SAMD12: variants seen among roughly 807,000 people sequenced by gnomAD.
SAMD12 encodes the protein sterile alpha motif domain-containing protein 12.
A neutral mutation model predicts 15.0 loss-of-function variants in SAMD12; 9 were observed. The observed-to-expected ratio is 0.60, with a 90% confidence interval of 0.36 to 1.05. The LOEUF is 1.05. SAMD12 is among the 50% of genes least tolerant of loss of function. The pLI is 0.01. For synonymous variants in SAMD12, 86 were observed against 90.1 expected (o/e 0.96, Z 0.25); for missense variants, 230 against 234.2 (o/e 0.98, Z 0.12).
chr8:118,164,814 T>TATATATATATACACACATATATACATAC, the SAMD12 span, among the ~76,000 whole-genome samples: 5 of 151,122 alleles, frequency 3.3e-5, no homozygotes, highest in East Asian at 1.9e-4. Flanking sequence ...TCTCTCTGTA[T>TATATATATATACACACATATATACATAC]ATATATATAT....
chr8:118,367,364 A>G (rs1264215017), intron 4 of SAMD12, among the ~76,000 whole-genome samples: 1 of 152,216 alleles, frequency 6.6e-6, no homozygotes, highest in Non-Finnish European at 1.5e-5. Context: ...TAAAAATCCC[A>G]TAGGACATTT....
chr8:118,554,143 G>A (rs1407455934), intron 2 of SAMD12, among the ~76,000 whole-genome samples: 1 of 152,078 alleles, frequency 6.6e-6, no homozygotes, highest in East Asian at 1.9e-4. Context: ...CAGGGATCTA[G>A]AACTAGAAAT....
intron 1 of SAMD12, among the ~76,000 whole-genome samples, chr8:118,614,072 T>C (rs994203908): frequency 1.6e-4 from 25 of 152,184 alleles, no homozygotes; most frequent in African/African-American, 5.5e-4. Flanking sequence ...ATAACCTACA[T>C]TCCCTCATTG....
At chr8:118,610,278 C>A (rs1236588071) in intron 1 of SAMD12, among the ~76,000 whole-genome samples, 1 of 152,130 alleles carries the variant, frequency 6.6e-6, no homozygotes, top group African/African-American at 2.4e-5. Context: ...CATTGCAGAG[C>A]CCAATTAAGT....
chr8:118,387,926 C>T (rs1426084945), intron 3 of SAMD12, among the ~76,000 whole-genome samples: 1 of 152,262 alleles, frequency 6.6e-6, no homozygotes, highest in East Asian at 1.9e-4. Context: ...AAGTAGCCAT[C>T]AAACAGATTC....
intron 1 of SAMD12, among the ~76,000 whole-genome samples, chr8:118,616,489 G>A (rs976185317): frequency 4.6e-5 from 7 of 152,196 alleles, no homozygotes; most frequent in African/African-American, 1.7e-4. Flanking sequence ...TCACACAGAG[G>A]CAGGACAGAG....
the SAMD12 span, among the ~76,000 whole-genome samples, chr8:118,184,335 G>A: frequency 2.0e-5 from 3 of 152,108 alleles, no homozygotes; most frequent in South Asian, 2.1e-4. Flanking sequence ...ACGGGAATTA[G>A]GTCTTTGAAA....
intron 4 of SAMD12, among the ~76,000 whole-genome samples, chr8:118,285,684 G>A (rs1471773043): frequency 6.6e-6 from 1 of 152,172 alleles, no homozygotes; most frequent in Non-Finnish European, 1.5e-5. Context: ...CTAACTGTGT[G>A]ACTTGGTTTT....
intron 4 of SAMD12, among the ~76,000 whole-genome samples, chr8:118,346,709 T>C (rs1817679351): frequency 6.6e-6 from 1 of 152,164 alleles, no homozygotes; most frequent in Admixed American, 6.5e-5. Context: ...AGATTTACTA[T>C]AGCAAAAGGA....
chr8:118,196,139 A>G (rs1240930538), exon 5 of SAMD12: 2 of 152,050 alleles, frequency 1.3e-5, no homozygotes, highest in African/African-American at 4.8e-5. Flanking sequence ...AGGTTTCCAA[A>G]TCTCAGGCGT....
chr8:118,326,033 AG>A, intron 4 of SAMD12, among the ~76,000 whole-genome samples: 1 of 152,352 alleles, frequency 6.6e-6, no homozygotes, highest in African/African-American at 2.4e-5. Context: ...CCATGGATTC[AG>A]CTGCTGAAGA....
intron 4 of SAMD12, among the ~76,000 whole-genome samples, chr8:118,311,012 C>G (rs1815602901): frequency 6.6e-6 from 1 of 152,206 alleles, no homozygotes; most frequent in Non-Finnish European, 1.5e-5. Flanking sequence ...CCACAATACA[C>G]TAAATGTTCT....
intron 2 of SAMD12, among the ~76,000 whole-genome samples, chr8:118,571,024 T>G (rs1159768616): frequency 6.6e-6 from 1 of 152,206 alleles, no homozygotes; most frequent in Non-Finnish European, 1.5e-5. Context: ...TAAGTCCCAT[T>G]AAGCCTCTTT....
intron 4 of SAMD12, among the ~76,000 whole-genome samples, chr8:118,345,445 C>T (rs1161290891): frequency 6.6e-6 from 1 of 152,054 alleles, no homozygotes; most frequent in Non-Finnish European, 1.5e-5. Context: ...GACAGAGATA[C>T]TGATGAGAAT....
chr8:118,444,480 G>C, intron 2 of SAMD12, among the ~76,000 whole-genome samples: 1 of 151,602 alleles, frequency 6.6e-6, no homozygotes, highest in African/African-American at 2.4e-5. Flanking sequence ...TGTTTTACAG[G>C]AAGAACTAAC....
chr8:118,515,000 TTTTGTTTGTTTGTTTG>T (rs138066033), intron 2 of SAMD12, among the ~76,000 whole-genome samples: 5 of 149,298 alleles, frequency 3.3e-5, no homozygotes, highest in African/African-American at 1.0e-4. Flanking sequence ...TGTTTAAAAG[TTTTGTTTGTTTGTTTG>T]TTTGTTTGTT....
intron 4 of SAMD12, chr8:118,284,514 A>G (rs1813828724): frequency 2.8e-6 from 1 of 353,648 alleles, no homozygotes; most frequent in Non-Finnish European, 5.6e-6. Flanking sequence ...TTCCATCTAG[A>G]CAAAAATGGA....
At chr8:118,283,166 C>T (rs1813741096) in intron 4 of SAMD12, among the ~76,000 whole-genome samples, 1 of 151,992 alleles carries the variant, frequency 6.6e-6, no homozygotes, top group African/African-American at 2.4e-5. Flanking sequence ...TTTTAGGGTA[C>T]ATGTGCACAA....
At chr8:118,512,857 T>A (rs562503474) in intron 2 of SAMD12, among the ~76,000 whole-genome samples, 2 of 152,340 alleles carry the variant, frequency 1.3e-5, no homozygotes, top group Middle Eastern at 3.4e-3. Flanking sequence ...TATCATTTTC[T>A]CTGTGACGCT....
Sources: allele counts gnomAD v4.1 joint callset (sites outside exome capture counted in the v4.1 genomes callset), GRCh38; gene constraint gnomAD v4.1.1; transcripts MANE v1.5; gene names NCBI Gene and HGNC (gene_info 2026-07-23, HGNC 2026-07-21).